The following EFR3A variants were observed in gnomAD, a reference collection of about 807,000 sequenced individuals.
EFR3A encodes EFR3 homolog A, also known as protein EFR3 homolog A.
EFR3A carries 76 observed loss-of-function variants against 104.4 expected under a neutral mutation model. The observed-to-expected ratio is 0.73, with a 90% confidence interval of 0.60 to 0.88. The LOEUF is 0.88. Ranked by LOEUF, EFR3A falls within the 40% of genes least tolerant of loss-of-function variation. The probability of loss-of-function intolerance (pLI) is 0.00; values close to 1 mark genes in which losing one functional copy is unlikely to be tolerated. For missense variants in EFR3A, 985 were observed against 1,012.5 expected (o/e 0.97, Z 0.37); for synonymous variants, 330 against 330.0 (o/e 1.00, Z 0.00).
In EFR3A at chr8:131,929,676, C is replaced by T. The variant is rs562728007; in HGVS notation, c.11-10823C>T. 7.9e-5 allele frequency among the ~76,000 whole-genome samples: 12 copies of T among 152,212 alleles called. No homozygotes were observed. The East Asian group carries it at 2.3e-3, about 29-fold the overall frequency. On this transcript the variant is annotated intron_variant, in intron 1 of 22. Transcript: ENST00000254624. ...AGTTTAGTGCCTAGGGCATGGTAGGCTTCACTAAATGATTGTTAAAAGAAT... is the reference window on the plus strand; with the variant it reads ...AGTTTAGTGCCTAGGGCATGGTAGGTTTCACTAAATGATTGTTAAAAGAAT...
chr8:131,912,093 G>GGA lies in EFR3A; in HGVS notation c.10+7774_10+7775dup, dbSNP rs201234935. 5.0e-4 allele frequency among the ~76,000 whole-genome samples: 76 copies of GGA among 152,288 alleles called. No homozygotes were observed. The East Asian group carries it at 0.013, about 26-fold the overall frequency. ...AATGGGACTGAGAGACAGGAAGGCA[G>GGA]GAGAAGGTCAGAGAAAAACTTTTGT... On this transcript the variant is annotated intron_variant, in intron 1 of 22. Coordinates refer to ENST00000254624, the MANE Select transcript of EFR3A (RefSeq NM_015137.6).
intron 18 of EFR3A, among the ~76,000 whole-genome samples, chr8:131,994,085 T>TA: frequency 6.6e-6 from 1 of 151,768 alleles, no homozygotes; most frequent in Non-Finnish European, 1.5e-5. Flanking sequence ...ACTTAAAAGT[T>TA]AAAAAAAATT....
At chr8:131,934,607 T>A (rs528458498) in intron 1 of EFR3A, among the ~76,000 whole-genome samples, 3 of 152,242 alleles carry the variant, frequency 2.0e-5, no homozygotes, top group African/African-American at 7.2e-5. Context: ...AACACCTATA[T>A]TACAGGCTTT....
chr8:131,924,806 G>A (rs775023074), intron 1 of EFR3A, among the ~76,000 whole-genome samples: 9 of 152,138 alleles, frequency 5.9e-5, no homozygotes, highest in East Asian at 1.9e-4. Flanking sequence ...GGCTGAGCTC[G>A]TCTTTTACAT....
At chr8:131,981,406 A>G (rs1369750595) in intron 14 of EFR3A, among the ~76,000 whole-genome samples, 1 of 152,040 alleles carries the variant, frequency 6.6e-6, no homozygotes, top group East Asian at 1.9e-4. Flanking sequence ...TTTCCTTGCT[A>G]AGCATTTGTT....
At chr8:131,953,412 G>C (rs1818809075) in intron 5 of EFR3A, among the ~76,000 whole-genome samples, 1 of 152,076 alleles carries the variant, frequency 6.6e-6, no homozygotes, top group South Asian at 2.1e-4. Flanking sequence ...GAGGAACAGT[G>C]AGAGAAGTCT....
chr8:131,958,477 T>C (rs1819137210), intron 7 of EFR3A, among the ~76,000 whole-genome samples: 1 of 152,178 alleles, frequency 6.6e-6, no homozygotes, highest in South Asian at 2.1e-4. Flanking sequence ...CAGGCTTCTT[T>C]AGAACAGGTA....
intron 22 of EFR3A, among the ~76,000 whole-genome samples, chr8:132,007,134 C>A (rs1313162115): frequency 6.6e-6 from 1 of 151,376 alleles, no homozygotes; most frequent in East Asian, 1.9e-4. Flanking sequence ...TATTGAAAGT[C>A]TTAGGTAAGT....
intron 22 of EFR3A, among the ~76,000 whole-genome samples, chr8:132,005,897 C>T (rs1297768182): frequency 2.6e-5 from 4 of 152,032 alleles, no homozygotes; most frequent in Non-Finnish European, 5.9e-5. Flanking sequence ...AGGAAACTGA[C>T]ATGTTAAGAC....
At chr8:131,967,850 A>G (rs1448832288) in intron 8 of EFR3A, among the ~76,000 whole-genome samples, 1 of 152,036 alleles carries the variant, frequency 6.6e-6, no homozygotes, top group Non-Finnish European at 1.5e-5. Flanking sequence ...GTATTTATCT[A>G]GTTTGGCTAT....
intron 1 of EFR3A, among the ~76,000 whole-genome samples, chr8:131,931,519 T>TA (rs1354452286): frequency 2.0e-5 from 3 of 152,162 alleles, no homozygotes; most frequent in Non-Finnish European, 4.4e-5. Context: ...AAAAGAACTA[T>TA]ATATTTTGTT....
intron 12 of EFR3A, 59 bp from the exon 13 acceptor site, chr8:131,978,788 G>A (rs1820444033): frequency 1.5e-5 from 19 of 1,291,352 alleles, no homozygotes; most frequent in Non-Finnish European, 1.8e-5. Context: ...AAGAATATGA[G>A]AATTTTACAA....
chr8:131,935,549 T>G (rs906979337), intron 1 of EFR3A: 16 of 438,370 alleles, frequency 3.6e-5, no homozygotes, highest in African/African-American at 3.3e-4. Flanking sequence ...CAATTTCTAT[T>G]ATGTTACATG....
intron 22 of EFR3A, among the ~76,000 whole-genome samples, chr8:132,005,531 C>G (rs1821994336): frequency 6.6e-6 from 1 of 151,820 alleles, no homozygotes; most frequent in Admixed American, 6.6e-5. Context: ...CCTTAGAACA[C>G]CACACACCCA....
intron 2 of EFR3A, 54 bp downstream of exon 2, chr8:131,940,629 C>T (rs368058481): frequency 3.2e-5 from 50 of 1,561,890 alleles, no homozygotes; most frequent in Middle Eastern, 1.7e-4. Flanking sequence ...TTCTGCCCCC[C>T]GCTGACCTCC....
At chr8:131,952,069 G>C (rs1818729381) in intron 5 of EFR3A, among the ~76,000 whole-genome samples, 1 of 151,968 alleles carries the variant, frequency 6.6e-6, no homozygotes, top group African/African-American at 2.4e-5. Flanking sequence ...GCTCCCACTT[G>C]TAGAGTCATG....
intron 14 of EFR3A, among the ~76,000 whole-genome samples, chr8:131,982,357 T>G (rs1401023258): frequency 2.6e-5 from 4 of 152,158 alleles, no homozygotes; most frequent in African/African-American, 9.7e-5. Flanking sequence ...TAGTATTCCA[T>G]GATATGAATA....
intron 10 of EFR3A, among the ~76,000 whole-genome samples, chr8:131,973,924 T>C (rs554247540): frequency 1.8e-3 from 276 of 152,346 alleles, no homozygotes; most frequent in African/African-American, 6.5e-3. Context: ...AAAGCAATTC[T>C]AAAGCATATA....
chr8:131,940,183 T>C, intron 1 of EFR3A: 1 of 275,694 alleles, frequency 3.6e-6, no homozygotes, highest in Non-Finnish European at 7.0e-6. Context: ...TGGGTGGGGG[T>C]ATGCCGGAGT....
Sources: gnomAD v4.1 joint callset for allele counts (sites outside exome capture counted in the v4.1 genomes callset) on GRCh38, gnomAD v4.1.1 for gene constraint, MANE v1.5 for transcripts, NCBI Gene and HGNC (gene_info 2026-07-23, HGNC 2026-07-21) for gene names.